The following PTPRJ variants were observed in gnomAD, a reference collection of about 807,000 sequenced individuals.
PTPRJ encodes the protein receptor-type tyrosine-protein phosphatase eta.
PTPRJ carries 129 observed loss-of-function variants against 141.3 expected under a neutral mutation model. The ratio of observed to expected loss-of-function variants is 0.91; its 90% CI spans 0.79 to 1.06. The LOEUF (loss-of-function observed/expected upper bound fraction) is 1.06, where lower values mean the gene tolerates loss of function less well. PTPRJ is among the 50% of genes least tolerant of loss of function. The pLI is 0.00. For missense variants in PTPRJ, 1,601 were observed against 1,679.7 expected, an observed-to-expected ratio of 0.95 and a Z score of 0.82; for synonymous variants, 610 against 640.5, an observed-to-expected ratio of 0.95 and a Z score of 0.72.
chr11:47,997,470 A>G (rs1854370615), intron 1 of PTPRJ, among the ~76,000 whole-genome samples: 1 of 151,044 alleles, frequency 6.6e-6, no homozygotes, highest in Non-Finnish European at 1.5e-5. Flanking sequence ...GTTCACATCG[A>G]CTCCCTTCTC....
intron 1 of PTPRJ, among the ~76,000 whole-genome samples, chr11:48,079,337 G>T (rs1855499238): frequency 6.6e-6 from 1 of 152,008 alleles, no homozygotes; most frequent in African/African-American, 2.4e-5. Flanking sequence ...ATGTCTTGGT[G>T]GCGGTGTTCT....
intron 1 of PTPRJ, among the ~76,000 whole-genome samples, chr11:48,056,246 T>C (rs969287420): frequency 2.0e-5 from 3 of 152,232 alleles, no homozygotes; most frequent in Non-Finnish European, 4.4e-5. Context: ...ATTGCTTTAC[T>C]TGATGCAGTA....
At chr11:47,991,259 G>T (rs1399144279) in intron 1 of PTPRJ, among the ~76,000 whole-genome samples, 3 of 152,010 alleles carry the variant, frequency 2.0e-5, no homozygotes, top group Non-Finnish European at 4.4e-5. Flanking sequence ...AGGAGCACAG[G>T]GATATTGACT....
chr11:48,105,526 C>T (rs934140375), intron 1 of PTPRJ, among the ~76,000 whole-genome samples: 6 of 152,118 alleles, frequency 3.9e-5, no homozygotes, highest in South Asian at 4.2e-4. Flanking sequence ...TTGTGTTGTT[C>T]GAGTCTCAGG....
chr11:48,017,295 G>T (rs977723907), intron 1 of PTPRJ, among the ~76,000 whole-genome samples: 1 of 152,128 alleles, frequency 6.6e-6, no homozygotes, highest in African/African-American at 2.4e-5. Flanking sequence ...GCAGGAAGTT[G>T]GGTGTGGGTA....
chr11:48,054,315 T>G (rs150757776), intron 1 of PTPRJ, among the ~76,000 whole-genome samples: 2 of 152,238 alleles, frequency 1.3e-5, no homozygotes, highest in Admixed American at 1.3e-4. Flanking sequence ...CAACCTCTTA[T>G]ATAGCAAATT....
chr11:48,098,964 G>A (rs1441080790), intron 1 of PTPRJ, among the ~76,000 whole-genome samples: 1 of 152,232 alleles, frequency 6.6e-6, no homozygotes, highest in Non-Finnish European at 1.5e-5. Context: ...AGTAATAACA[G>A]AGTTATCTTC....
chr11:48,091,358 C>T (rs1855862190), intron 1 of PTPRJ, among the ~76,000 whole-genome samples: 2 of 152,158 alleles, frequency 1.3e-5, no homozygotes, highest in Admixed American at 6.5e-5. Context: ...TGCTATTGCC[C>T]TAATATCATT....
At chr11:48,010,833 G>T (rs2134201427) in intron 1 of PTPRJ, among the ~76,000 whole-genome samples, 1 of 152,090 alleles carries the variant, frequency 6.6e-6, no homozygotes, top group East Asian at 1.9e-4. Context: ...ACCATGCCTG[G>T]CCTATTATTA....
rs71457242 is a variant in PTPRJ at position 48,049,515 on chromosome 11, T to TAAAACAAAACAAAAC, written c.97-60505_97-60491dup. On this transcript the variant is annotated intron_variant, in intron 1 of 24. Transcript: ENST00000418331. Reference sequence around the variant, plus strand: ...CAATGCGGTGAAACCCCGTCTCTACTAAAACAAAACAAAACAAAACAAAAC... The same window carrying TAAAACAAAACAAAAC: ...CAATGCGGTGAAACCCCGTCTCTACTAAAACAAAACAAAACAAAACAAAACAAAACAAAACAAAAC... Among the ~76,000 whole-genome samples the TAAAACAAAACAAAAC allele has an allele frequency of 8.3e-3, 1,165 of 140,922 alleles. 11 individuals are homozygous for TAAAACAAAACAAAAC. The highest frequency in any genetic ancestry group is 0.011 in the African/African-American group (383 of 35,822). 92.5% of individuals were successfully genotyped at this position (140,922 alleles called of 152,430 possible).
intron 1 of PTPRJ, among the ~76,000 whole-genome samples, chr11:48,084,937 G>A (rs985234975): frequency 1.3e-5 from 2 of 152,136 alleles, no homozygotes; most frequent in African/African-American, 4.8e-5. Flanking sequence ...AAGTGCAGTG[G>A]ATGCAAAGAC....
intron 3 of PTPRJ, among the ~76,000 whole-genome samples, chr11:48,113,561 G>T (rs1307447644): frequency 1.3e-5 from 2 of 152,076 alleles, no homozygotes; most frequent in Non-Finnish European, 2.9e-5. Context: ...TTTATTCTGT[G>T]GCCCTTACAG....
chr11:47,986,538 A>G (rs1854054994), intron 1 of PTPRJ, among the ~76,000 whole-genome samples: 1 of 152,138 alleles, frequency 6.6e-6, no homozygotes, highest in Non-Finnish European at 1.5e-5. Flanking sequence ...TTTTTTTAAG[A>G]CGGAGTCTCA....
intron 3 of PTPRJ, among the ~76,000 whole-genome samples, chr11:48,118,006 A>G (rs866861809): frequency 1.3e-5 from 2 of 152,244 alleles, no homozygotes; most frequent in Non-Finnish European, 2.9e-5. Flanking sequence ...TTGAATTATG[A>G]AGAAATAGAA....
At chr11:48,082,882 C>T (rs1324372718) in intron 1 of PTPRJ, among the ~76,000 whole-genome samples, 1 of 152,138 alleles carries the variant, frequency 6.6e-6, no homozygotes, top group Non-Finnish European at 1.5e-5. Flanking sequence ...AGGAGTTGTA[C>T]AAGGCTCATG....
chr11:48,004,055 A>G (rs1322443389), intron 1 of PTPRJ, among the ~76,000 whole-genome samples: 1 of 152,216 alleles, frequency 6.6e-6, no homozygotes, highest in African/African-American at 2.4e-5. Context: ...GCCTAGTTGT[A>G]TGCAACCTGA....
chr11:48,028,724 G>A (rs1054142903), intron 1 of PTPRJ, among the ~76,000 whole-genome samples: 2 of 152,208 alleles, frequency 1.3e-5, no homozygotes, highest in Non-Finnish European at 2.9e-5. Flanking sequence ...CCAGGAGGCA[G>A]AGGTTGCAGT....
chr11:48,149,446 G>T lies in PTPRJ; in HGVS notation c.3000-1G>T. 1 of 1,515,588 alleles carries T rather than the reference G, an allele frequency of 6.6e-7. No homozygotes were observed. 93.9% of individuals were successfully genotyped at this position (1,515,588 alleles called of 1,614,324 possible). ...AATGGGTCTCTTTTCTCTTAAAACA[G>T]GAAAGATGCAAAGAATAATGAAGTG... On this transcript the variant is annotated splice_acceptor_variant, in intron 15 of 24. Transcript: ENST00000418331. LOFTEE classifies it high-confidence loss of function.
chr11:48,055,652 G>C (rs947142034), intron 1 of PTPRJ, among the ~76,000 whole-genome samples: 1 of 152,166 alleles, frequency 6.6e-6, no homozygotes, highest in Admixed American at 6.5e-5. Flanking sequence ...AGACATCCCT[G>C]TGCAGTCCTG....
Sources: gnomAD v4.1 joint callset for allele counts (sites outside exome capture counted in the v4.1 genomes callset) on GRCh38, gnomAD v4.1.1 for gene constraint, MANE v1.5 for transcripts, NCBI Gene and HGNC (gene_info 2026-07-23, HGNC 2026-07-21) for gene names.